Variants in PWP1 observed in about 807,000 individuals in gnomAD.
PWP1 encodes PWP1 homolog, endonuclein.
Under a neutral mutation model 69.9 loss-of-function variants are expected in PWP1, and 47 were observed. That is an observed-to-expected ratio of 0.67 (90% CI 0.53 to 0.86). The LOEUF (loss-of-function observed/expected upper bound fraction) is 0.86. Ranked by LOEUF, PWP1 falls within the 40% of genes least tolerant of loss-of-function variation. The pLI, the probability that PWP1 is intolerant of heterozygous loss-of-function variation, is 0.00. For synonymous variants in PWP1, 222 were observed against 208.2 expected (o/e 1.07, Z -0.57); for missense variants, 551 against 608.8 (o/e 0.91, Z 1.00).
chr12:107,692,645 C>G (rs898365178), intron 3 of PWP1, 169 bp from the exon 4 acceptor site: 1 of 595,366 alleles, frequency 1.7e-6, no homozygotes, highest in African/African-American at 1.9e-5. Context: ...ACAAAAATGG[C>G]TTTTAAATTC....
intron 1 of PWP1, among the ~76,000 whole-genome samples, chr12:107,687,604 G>A (rs1889394685): frequency 6.6e-6 from 1 of 152,178 alleles, no homozygotes; most frequent in Non-Finnish European, 1.5e-5. Flanking sequence ...TGGACCAAAT[G>A]AGAGAAATTG....
chr12:107,685,986 CT>C lies in PWP1; in HGVS notation c.72+16del. 2.5e-6 allele frequency: 4 copies of C among 1,613,356 alleles called. No individual in the cohort carries two copies. Among genetic ancestry groups the C allele is most frequent in the Non-Finnish European group, 3.4e-6 (4 of 1,179,518 alleles). On this transcript the variant is annotated intron_variant, in intron 1 of 14. Coordinates refer to ENST00000412830, the MANE Select transcript of PWP1 (RefSeq NM_007062.3). Reference sequence around the variant, plus strand: ...CACCAGACAAGGTGAGGCCTGGTCGCTGGGAGACAAGGGGAGCAGCGTCTTT... The same window carrying C: ...CACCAGACAAGGTGAGGCCTGGTCGCGGGAGACAAGGGGAGCAGCGTCTTT...
At chr12:107,690,079 T>C (rs1414125489) in intron 3 of PWP1, among the ~76,000 whole-genome samples, 4 of 152,166 alleles carry the variant, frequency 2.6e-5, no homozygotes, top group Admixed American at 1.3e-4. Context: ...CTGAAGGGAC[T>C]CCTGACAGCT....
chr12:107,704,647 T>C lies in PWP1; in HGVS notation c.977T>C (p.Leu326Ser). ...CTGAATGTGTCTAGGTCAGTGGCTT[T>C]GTATGACTGCCGAAGTCCAGATGAA... Reference protein sequence around the residue: ...ISGSYDKSVALYDCRSPDESH... With the variant: ...ISGSYDKSVASYDCRSPDESH... Residue 326 changes from leucine (L) to serine (S), a missense_variant, in exon 11 of 15, where the codon TTG becomes TCG. By Grantham distance (145) the Leu-to-Ser change is moderately radical. Coordinates refer to ENST00000412830, the MANE Select transcript of PWP1 (RefSeq NM_007062.3). 1.2e-6 allele frequency: 2 copies of C among 1,613,960 alleles called. No homozygotes were observed. The highest frequency in any genetic ancestry group is 1.1e-5 in the South Asian group (1 of 91,074).
intron 11 of PWP1, among the ~76,000 whole-genome samples, chr12:107,706,744 G>A (rs933306072): frequency 1.1e-4 from 16 of 152,174 alleles, no homozygotes; most frequent in Non-Finnish European, 1.9e-4. Flanking sequence ...GCTCTGTTCT[G>A]TTCTATTGGT....
intron 5 of PWP1, among the ~76,000 whole-genome samples, chr12:107,694,240 T>A (rs901560982): frequency 2.0e-5 from 3 of 152,224 alleles, no homozygotes; most frequent in Non-Finnish European, 4.4e-5. Context: ...ACTGCGCTCA[T>A]ATCCTCAGAC....
rs185226429 is a variant in PWP1, at chr12:107,707,828, C to G, written c.1078-1098C>G. On this transcript the variant is annotated intron_variant, in intron 11 of 14. Transcript: ENST00000412830. ...AGTATTTTATTGAGGATTTTTGCAT[C>G]GATGTTCTTCAGGGATATTGGTCTA... Among the ~76,000 whole-genome samples, 770 of 152,082 alleles carry G rather than the reference C, an allele frequency of 5.1e-3. 12 individuals are homozygous for G. Among genetic ancestry groups the G allele is most frequent in the African/African-American group, 0.018 (737 of 41,488 alleles).
At chr12:107,702,171 C>A (rs138877865) in intron 8 of PWP1, among the ~76,000 whole-genome samples, 11 of 152,208 alleles carry the variant, frequency 7.2e-5, no homozygotes, top group Non-Finnish European at 1.5e-4. Flanking sequence ...TATGAACTTG[C>A]CAACTTTGTT....
intron 5 of PWP1, among the ~76,000 whole-genome samples, 180 bp downstream of exon 5, chr12:107,693,276 T>G (rs1889521883): frequency 6.6e-6 from 1 of 152,188 alleles, no homozygotes; most frequent in Admixed American, 6.5e-5. Context: ...TGTAGTCCAG[T>G]ACATCACTTT....
rs770054438 is a variant in PWP1, at chr12:107,708,974, A to G, written c.1126A>G (p.Lys376Glu). 2 of 1,613,916 alleles carry G rather than the reference A, an allele frequency of 1.2e-6. No individual in the cohort carries two copies. The highest frequency in any genetic ancestry group is 8.5e-7 in the Non-Finnish European group (1 of 1,179,906). ...ATATAATTTGGATGCACGTTCAGAT[A>G]AGCCAATTTTTACACTTAATGCACA... ...FVYNLDARSD[K>E]PIFTLNAHND... The change falls in exon 12 of 15, where the codon AAG becomes GAG. Residue 376 changes from lysine to glutamate, a missense_variant. Lys to Glu is a moderately conservative substitution (Grantham distance 56). Transcript: ENST00000412830.
At chr12:107,711,390 T>C (rs1400343609) in intron 14 of PWP1, among the ~76,000 whole-genome samples, 1 of 152,172 alleles carries the variant, frequency 6.6e-6, no homozygotes, top group East Asian at 1.9e-4. Flanking sequence ...TGGCCAGATT[T>C]TGGGGGGCTT....
Position 107,703,698 on chromosome 12 carries a change from A to C in PWP1, c.917A>C (p.Gln306Pro). Residue 306 changes from glutamine (Q) to proline (P), a missense_variant, in exon 10 of 15, where the codon CAG (glutamine) becomes CCG (proline). By Grantham distance (76) the Gln-to-Pro change is moderately conservative. Coordinates refer to ENST00000412830, the MANE Select transcript of PWP1 (RefSeq NM_007062.3). ...AVHTDKVQTL[Q>P]FHPFEAQTLI... ...TCCTCCCTTTAGGTCCAAACACTGC[A>C]GTTTCATCCATTTGAAGCACAGACT... is the stretch of plus-strand genomic sequence containing the variant. 1 of 1,606,776 alleles carries C rather than the reference A, an allele frequency of 6.2e-7. No individual in the cohort carries two copies.
chr12:107,697,107 C>G (rs1889604656), intron 6 of PWP1, among the ~76,000 whole-genome samples: 1 of 152,170 alleles, frequency 6.6e-6, no homozygotes, highest in Non-Finnish European at 1.5e-5. Context: ...TGTTCACATT[C>G]ATGATCTGAT....
chr12:107,703,173 T>C (rs1337928337), intron 9 of PWP1, 142 bp downstream of exon 9: 1 of 655,254 alleles, frequency 1.5e-6, no homozygotes, highest in Admixed American at 2.8e-5. Flanking sequence ...CTCTTAGGAT[T>C]TTCACAAAGC....
Position 107,709,384 on chromosome 12 carries a change from G to A in PWP1, c.1290+152G>A, listed in dbSNP as rs1233193032. The A allele has an allele frequency of 3.8e-6, 4 of 1,059,810 alleles. No homozygotes were observed. In the African/African-American group the frequency reaches 4.8e-5, roughly 13 times the overall value. The allele number at this position is 1,059,810 out of a possible 1,614,324, so 65.7% of individuals were successfully genotyped here. A position where few individuals can be genotyped will look rare whatever the true frequency, so the allele number is the denominator to read the frequency against. ...TGAATTTTGAGTTTAGTCAAATTTG[G>A]TGGGATTTTATGACTTAGAACGCTT... is the stretch of plus-strand genomic sequence containing the variant. On this transcript the variant is annotated intron_variant, in intron 13 of 14. Coordinates refer to ENST00000412830, the MANE Select transcript of PWP1 (RefSeq NM_007062.3).
At chr12:107,694,281 C>G (rs574154190) in intron 5 of PWP1, among the ~76,000 whole-genome samples, 5 of 152,168 alleles carry the variant, frequency 3.3e-5, no homozygotes, top group Admixed American at 1.3e-4. Context: ...CTCTCCTCCC[C>G]CAGCAGTCTT....
intron 4 of PWP1, 45 bp downstream of exon 4, chr12:107,692,944 A>G: frequency 1.2e-6 from 2 of 1,612,104 alleles, no homozygotes; most frequent in African/African-American, 1.3e-5. Context: ...TAAGTGTTCA[A>G]AAAACCTTAC....
intron 10 of PWP1, among the ~76,000 whole-genome samples, chr12:107,704,433 G>A (rs947872834): frequency 6.6e-6 from 1 of 152,166 alleles, no homozygotes; most frequent in Non-Finnish European, 1.5e-5. Context: ...TAACGTTAGA[G>A]GCACCAGTGC....
chr12:107,697,422 A>G (rs745872628), intron 6 of PWP1, 45 bp from the exon 7 acceptor site: 19 of 1,525,354 alleles, frequency 1.2e-5, no homozygotes, highest in Non-Finnish European at 1.6e-5. Context: ...GAAGTTCTGT[A>G]TGTCTTTTTT....
Sources: gnomAD v4.1 joint callset for allele counts (sites outside exome capture counted in the v4.1 genomes callset) on GRCh38, gnomAD v4.1.1 for gene constraint, MANE v1.5 for transcripts, NCBI Gene and HGNC (gene_info 2026-07-23, HGNC 2026-07-21) for gene names.